UNC5C: variants seen among roughly 807,000 people sequenced by gnomAD.
UNC5C encodes netrin receptor UNC5C.
UNC5C carries 47 observed loss-of-function variants against 99.8 expected under a neutral mutation model. The ratio of observed to expected loss-of-function variants is 0.47; its 90% CI spans 0.37 to 0.60. The LOEUF is 0.60. Among genes scored for constraint, UNC5C ranks in the 20% least tolerant of loss-of-function variants. The pLI, the probability that UNC5C is intolerant of heterozygous loss-of-function variation, is 0.00. For synonymous variants in UNC5C, 487 were observed against 452.2 expected, an observed-to-expected ratio of 1.08 and a Z score of -0.98; for missense variants, 1,062 against 1,165.9, an observed-to-expected ratio of 0.91 and a Z score of 1.30.
Position 95,262,354 on chromosome 4 carries a change from C to T in UNC5C, c.595-11687G>A, listed in dbSNP as rs80162378. Among the ~76,000 whole-genome samples, 1,493 of 152,274 alleles carry T rather than the reference C, an allele frequency of 9.8e-3. 29 individuals carry two copies. Among genetic ancestry groups the T allele is most frequent in the East Asian group, 0.095 (492 of 5,182 alleles). ...TTGGAAGACGTGCAGAGTTGAGGGA[C>T]ACTGTTACAACATAAGTCCACGTAT... On this transcript the variant is annotated intron_variant, in intron 4 of 15. Coordinates refer to ENST00000453304, the MANE Select transcript of UNC5C (RefSeq NM_003728.4).
At chr4:95,269,195 C>T (rs1740565477) in intron 4 of UNC5C, among the ~76,000 whole-genome samples, 2 of 152,214 alleles carry the variant, frequency 1.3e-5, no homozygotes, top group African/African-American at 4.8e-5. Context: ...ATCAGAATCT[C>T]TGGGTGGGAT....
chr4:95,482,976 T>G (rs1305625562), intron 1 of UNC5C, among the ~76,000 whole-genome samples: 1 of 140,650 alleles, frequency 7.1e-6, no homozygotes, highest in Non-Finnish European at 1.5e-5. Flanking sequence ...AACCTGCACA[T>G]TGTGCACATG....
chr4:95,298,580 T>A (rs1445183663), intron 3 of UNC5C, among the ~76,000 whole-genome samples: 1 of 152,140 alleles, frequency 6.6e-6, no homozygotes, highest in Non-Finnish European at 1.5e-5. Context: ...TTCGCAACTG[T>A]CAACTTCCTC....
chr4:95,469,605 G>T (rs1359379785), intron 1 of UNC5C, among the ~76,000 whole-genome samples: 1 of 151,910 alleles, frequency 6.6e-6, no homozygotes, highest in African/African-American at 2.4e-5. Flanking sequence ...TCCTTAAACT[G>T]TATTCATTTA....
chr4:95,392,755 A>G lies in UNC5C; in HGVS notation c.125-57124T>C, dbSNP rs535096546. 1.1e-4 allele frequency among the ~76,000 whole-genome samples: 16 copies of G among 152,212 alleles called. No individual in the cohort carries two copies. In the South Asian group the frequency reaches 3.3e-3, roughly 32 times the overall value. ...GGAGCCTGGCTGAAACGCTTTTTCG[A>G]TAGACTATTCCACTACAGAAATCTT... On this transcript the variant is annotated intron_variant, in intron 1 of 15. Coordinates refer to ENST00000453304, the MANE Select transcript of UNC5C (RefSeq NM_003728.4).
intron 1 of UNC5C, among the ~76,000 whole-genome samples, chr4:95,341,507 G>GAAAGAAAGAA (rs1553964896): frequency 6.9e-6 from 1 of 144,806 alleles, no homozygotes; most frequent in African/African-American, 2.6e-5. Context: ...AAGAAAGAGA[G>GAAAGAAAGAA]AGAAAGAAAG....
chr4:95,197,458 A>G (rs75631039), intron 12 of UNC5C, among the ~76,000 whole-genome samples: 178 of 152,294 alleles, frequency 1.2e-3, no homozygotes, highest in African/African-American at 4.2e-3. Context: ...GTGGTCAGGA[A>G]TTGGATTAAA....
At chr4:95,545,369 T>C (rs568607267) in intron 1 of UNC5C, among the ~76,000 whole-genome samples, 13 of 152,320 alleles carry the variant, frequency 8.5e-5, no homozygotes, top group Admixed American at 2.0e-4. Flanking sequence ...CTAGCCTACT[T>C]TTCCTTATTG....
chr4:95,347,647 T>C lies in UNC5C; in HGVS notation c.125-12016A>G, dbSNP rs542086363. On this transcript the variant is annotated intron_variant, in intron 1 of 15. Transcript: ENST00000453304. Reference sequence around the variant, plus strand: ...ATTTTTGCCAAGGGTGCCAGACATATACACTGGAAAAAGGACAGTCTCTTA... The same window carrying C: ...ATTTTTGCCAAGGGTGCCAGACATACACACTGGAAAAAGGACAGTCTCTTA... Among the ~76,000 whole-genome samples, 7 of 151,974 alleles carry C rather than the reference T, an allele frequency of 4.6e-5. No homozygotes were observed. The East Asian group carries it at 1.4e-3, about 29-fold the overall frequency.
At chr4:95,348,841 A>G (rs1035782295) in intron 1 of UNC5C, among the ~76,000 whole-genome samples, 4 of 151,652 alleles carry the variant, frequency 2.6e-5, no homozygotes, top group Admixed American at 2.0e-4. Context: ...GGAGGACATT[A>G]TATTAAGTGT....
intron 12 of UNC5C, among the ~76,000 whole-genome samples, chr4:95,188,965 G>GAATC (rs1353084957): frequency 2.6e-5 from 4 of 152,140 alleles, no homozygotes; most frequent in Non-Finnish European, 5.9e-5. Context: ...GGCTGCTCTT[G>GAATC]AATCACAAAG....
chr4:95,539,865 C>T (rs1250888946), intron 1 of UNC5C, among the ~76,000 whole-genome samples: 1 of 151,800 alleles, frequency 6.6e-6, no homozygotes, highest in African/African-American at 2.4e-5. Flanking sequence ...AAATGATCTC[C>T]TCTCCCTTGC....
At chr4:95,499,456 G>T (rs528431925) in intron 1 of UNC5C, among the ~76,000 whole-genome samples, 6 of 152,234 alleles carry the variant, frequency 3.9e-5, no homozygotes, top group East Asian at 1.9e-4. Context: ...GGAAACCCCA[G>T]TGATATTCTG....
intron 1 of UNC5C, among the ~76,000 whole-genome samples, chr4:95,365,527 A>G (rs1027062958): frequency 2.6e-4 from 40 of 151,374 alleles, no homozygotes; most frequent in Non-Finnish European, 4.6e-4. Flanking sequence ...TTTTGCTATT[A>G]CAATAATACC....
chr4:95,402,383 G>A (rs1308036059), intron 1 of UNC5C, among the ~76,000 whole-genome samples: 1 of 152,164 alleles, frequency 6.6e-6, no homozygotes, highest in Non-Finnish European at 1.5e-5. Context: ...TGGGCTCTGT[G>A]ATCAAGCACA....
At chr4:95,293,512 G>T (rs1444791134) in intron 3 of UNC5C, among the ~76,000 whole-genome samples, 1 of 151,752 alleles carries the variant, frequency 6.6e-6, no homozygotes, top group Non-Finnish European at 1.5e-5. Flanking sequence ...TAGAGACAAG[G>T]TCTTGCTATG....
chr4:95,325,172 T>C (rs1179177793), intron 2 of UNC5C, among the ~76,000 whole-genome samples: 1 of 152,194 alleles, frequency 6.6e-6, no homozygotes, highest in Non-Finnish European at 1.5e-5. Flanking sequence ...CCAATTATAC[T>C]GAAGACTGAA....
chr4:95,290,652 C>T (rs1394079514), intron 3 of UNC5C, among the ~76,000 whole-genome samples: 2 of 152,094 alleles, frequency 1.3e-5, no homozygotes, highest in Non-Finnish European at 2.9e-5. Context: ...TTAACATGAA[C>T]AAGGGTCTTA....
chr4:95,348,616 A>T lies in UNC5C; in HGVS notation c.125-12985T>A, dbSNP rs577930007. 1.3e-4 allele frequency among the ~76,000 whole-genome samples: 20 copies of T among 148,532 alleles called. No individual in the cohort carries two copies. In the South Asian group the frequency reaches 3.1e-3, roughly 23 times the overall value. ...CAGTCATTAAAAGTATTTTTTAATG[A>T]CTGTATAGTACTCCATTGTGTATAT... is the stretch of plus-strand genomic sequence containing the variant. On this transcript the variant is annotated intron_variant, in intron 1 of 15. Transcript: ENST00000453304.
Sources: allele counts gnomAD v4.1 joint callset (sites outside exome capture counted in the v4.1 genomes callset), GRCh38; gene constraint gnomAD v4.1.1; transcripts MANE v1.5; gene names NCBI Gene and HGNC (gene_info 2026-07-23, HGNC 2026-07-21).